The following RGS7 variants were observed in gnomAD, a reference collection of about 807,000 sequenced individuals.
RGS7 encodes regulator of G-protein signaling 7.
Under a neutral mutation model 81.1 loss-of-function variants are expected in RGS7, and 27 were observed. The observed-to-expected ratio is 0.33, with a 90% CI of 0.25 to 0.46. The LOEUF (loss-of-function observed/expected upper bound fraction) is 0.46. Among genes scored for constraint, RGS7 ranks in the 20% least tolerant of loss-of-function variants. RGS7 has a pLI of 1.00. For missense variants in RGS7, 396 were observed against 607.4 expected, an observed-to-expected ratio of 0.65 and a Z score of 3.66; for synonymous variants, 208 against 207.7, an observed-to-expected ratio of 1.00 and a Z score of -0.01.
intron 2 of RGS7, among the ~76,000 whole-genome samples, chr1:241,227,038 A>G (rs2075347675): frequency 6.6e-6 from 1 of 152,208 alleles, no homozygotes; most frequent in Non-Finnish European, 1.5e-5. Context: ...CTGAAGCAGC[A>G]ATAATTATGA....
chr1:241,248,964 T>TTA (rs2076698657), intron 2 of RGS7, among the ~76,000 whole-genome samples: 1 of 152,182 alleles, frequency 6.6e-6, no homozygotes, highest in Non-Finnish European at 1.5e-5. Flanking sequence ...CTGAAAACAT[T>TTA]TCGCCCTGTT....
intron 2 of RGS7, among the ~76,000 whole-genome samples, chr1:241,150,948 G>A (rs1378609373): frequency 6.6e-6 from 1 of 152,160 alleles, no homozygotes; most frequent in African/African-American, 2.4e-5. Flanking sequence ...GGGAAAACCT[G>A]GAATCCGGAT....
chr1:240,911,896 C>A (rs1463120002), intron 6 of RGS7, among the ~76,000 whole-genome samples: 1 of 151,528 alleles, frequency 6.6e-6, no homozygotes, highest in Non-Finnish European at 1.5e-5. Context: ...AATCCCAGCA[C>A]TTTGGGAGGC....
At chr1:240,995,320 G>A (rs1341897183) in intron 3 of RGS7, among the ~76,000 whole-genome samples, 3 of 152,046 alleles carry the variant, frequency 2.0e-5, no homozygotes, top group Non-Finnish European at 2.9e-5. Flanking sequence ...TATTTTTCTA[G>A]TTTTGACATC....
chr1:241,021,037 C>T (rs143966650), intron 3 of RGS7, among the ~76,000 whole-genome samples: 8 of 152,254 alleles, frequency 5.3e-5, no homozygotes, highest in Non-Finnish European at 7.4e-5. Context: ...GAAAGACTCA[C>T]GACATTGGTA....
chr1:241,116,473 C>T (rs1007929201), intron 2 of RGS7, among the ~76,000 whole-genome samples: 1 of 152,146 alleles, frequency 6.6e-6, no homozygotes, highest in African/African-American at 2.4e-5. Flanking sequence ...TGGCTGCTGG[C>T]TTCCCGGCCT....
rs537646922 is a variant in RGS7, at chr1:241,204,371, G to A, written c.79-105609C>T. On this transcript the variant is annotated intron_variant, in intron 2 of 18. Coordinates refer to ENST00000440928, the MANE Select transcript of RGS7 (RefSeq NM_001364886.1). Reference sequence around the variant, plus strand: ...ATCCTCTAGGTCACAGAGATGGGCTGCAGGGGGTGGATAGATAAGATGTGG... The same window carrying A: ...ATCCTCTAGGTCACAGAGATGGGCTACAGGGGGTGGATAGATAAGATGTGG... Among the ~76,000 whole-genome samples the A allele has an allele frequency of 7.2e-5, 11 of 152,332 alleles. No homozygotes were observed. In the South Asian group the frequency reaches 2.3e-3, roughly 32 times the overall value.
intron 3 of RGS7, among the ~76,000 whole-genome samples, chr1:241,006,080 A>G (rs1432398697): frequency 1.3e-5 from 2 of 152,192 alleles, no homozygotes; most frequent in African/African-American, 2.4e-5. Context: ...TTTGGTAGAC[A>G]TATAACGTAG....
intron 18 of RGS7, among the ~76,000 whole-genome samples, chr1:240,791,791 T>C (rs1200600860): frequency 6.6e-6 from 1 of 152,166 alleles, no homozygotes; most frequent in African/African-American, 2.4e-5. Flanking sequence ...AAACCCAAAC[T>C]TTACATCAAC....
At chr1:240,933,030 C>T (rs991231665) in intron 5 of RGS7, among the ~76,000 whole-genome samples, 1 of 149,618 alleles carries the variant, frequency 6.7e-6, no homozygotes, top group Non-Finnish European at 1.5e-5. Context: ...ACTACAGGCG[C>T]CCGCACCACG....
chr1:241,236,183 T>C (rs1425172978), intron 2 of RGS7, among the ~76,000 whole-genome samples: 1 of 141,236 alleles, frequency 7.1e-6, no homozygotes, highest in Non-Finnish European at 1.5e-5. Context: ...CCCCATATTT[T>C]AGAAACAAAT....
intron 18 of RGS7, among the ~76,000 whole-genome samples, chr1:240,789,102 G>A: frequency 6.6e-6 from 1 of 152,170 alleles, no homozygotes; most frequent in Non-Finnish European, 1.5e-5. Context: ...ACATTTATTA[G>A]TTCCCCAAAT....
chr1:240,843,327 G>T (rs974053904), intron 9 of RGS7, among the ~76,000 whole-genome samples: 1 of 151,586 alleles, frequency 6.6e-6, no homozygotes, highest in African/African-American at 2.4e-5. Context: ...ATGCAGTGGT[G>T]TGATCTCAGC....
intron 6 of RGS7, among the ~76,000 whole-genome samples, chr1:240,888,751 C>T (rs1416089883): frequency 3.3e-5 from 5 of 151,770 alleles, no homozygotes; most frequent in African/African-American, 4.8e-5. Context: ...GATGAGAGGA[C>T]GAGACTGAGT....
At chr1:240,781,757 G>A (rs1346838173) in intron 18 of RGS7, among the ~76,000 whole-genome samples, 3 of 152,202 alleles carry the variant, frequency 2.0e-5, no homozygotes, top group African/African-American at 7.2e-5. Context: ...GCCCACGCCT[G>A]TAATCCCAGC....
At chr1:240,803,801 G>A (rs903114541) in intron 15 of RGS7, among the ~76,000 whole-genome samples, 1 of 151,982 alleles carries the variant, frequency 6.6e-6, no homozygotes, top group Non-Finnish European at 1.5e-5. Flanking sequence ...TATCAGTTAG[G>A]TGTAGAGCTT....
chr1:240,875,849 T>C (rs1321829435), intron 6 of RGS7, among the ~76,000 whole-genome samples: 1 of 152,240 alleles, frequency 6.6e-6, no homozygotes, highest in Non-Finnish European at 1.5e-5. Flanking sequence ...GAAAAATGTC[T>C]ATTTAGGTTT....
At chr1:240,948,178 AT>A (rs934726688) in intron 4 of RGS7, among the ~76,000 whole-genome samples, 4 of 151,984 alleles carry the variant, frequency 2.6e-5, no homozygotes, top group South Asian at 4.1e-4. Flanking sequence ...ATATTTACCT[AT>A]TTTTTTATTG....
intron 4 of RGS7, among the ~76,000 whole-genome samples, chr1:240,981,123 G>A (rs1350151218): frequency 6.6e-6 from 1 of 151,680 alleles, no homozygotes; most frequent in Non-Finnish European, 1.5e-5. Flanking sequence ...TTGTTTGTTT[G>A]TTTCGAGACA....
Sources: allele counts gnomAD v4.1 joint callset (sites outside exome capture counted in the v4.1 genomes callset), GRCh38; gene constraint gnomAD v4.1.1; transcripts MANE v1.5; gene names NCBI Gene and HGNC (gene_info 2026-07-23, HGNC 2026-07-21).